The following JAK2 variants were observed in gnomAD, a reference collection of about 807,000 sequenced individuals.
The protein encoded by JAK2 is tyrosine-protein kinase JAK2.
In JAK2, 86 loss-of-function variants were observed where a neutral mutation model predicts 139.3. The observed-to-expected ratio is 0.62, with a 90% CI of 0.52 to 0.74. JAK2 has a LOEUF of 0.74. JAK2 is among the 30% of genes least tolerant of loss of function. JAK2 has a pLI of 0.00. For missense variants in JAK2, 1,421 were observed against 1,360.3 expected (o/e 1.04, Z -0.70); for synonymous variants, 490 against 437.7 (o/e 1.12, Z -1.49).
rs1180632374 is a variant in JAK2 at position 5,074,588 on chromosome 9, T to C, written c.1864+803T>C. On this transcript the variant is annotated intron_variant, in intron 14 of 24. Coordinates refer to ENST00000381652, the MANE Select transcript of JAK2 (RefSeq NM_004972.4). ...CTTCATAGATGAATGCAGTGTGTGC[T>C]CTGACTGCTCCATCAATGAGCCATT... Among the ~76,000 whole-genome samples the C allele has an allele frequency of 2.6e-5, 4 of 152,366 alleles. No homozygotes were observed. The South Asian group carries it at 6.2e-4, about 24-fold the overall frequency.
intron 22 of JAK2, chr9:5,097,670 C>G (rs562690389): frequency 6.6e-6 from 1 of 152,306 alleles, no homozygotes; most frequent in Non-Finnish European, 1.5e-5. Flanking sequence ...TGATCTCCCG[C>G]AATGTTCTGA....
chr9:5,035,039 T>C lies in JAK2; in HGVS notation c.350+5133T>C, dbSNP rs182785026. 9.9e-5 allele frequency among the ~76,000 whole-genome samples: 15 copies of C among 152,206 alleles called. No individual in the cohort carries two copies. In the East Asian group the frequency reaches 2.5e-3, roughly 25 times the overall value. The stretch of plus-strand genomic sequence containing the variant: ...AGAATCAAATACATGCAATAAAAAA[T>C]GATAAAGGGGATATCAACCCGATCC... On this transcript the variant is annotated intron_variant, in intron 4 of 24. Coordinates refer to ENST00000381652, the MANE Select transcript of JAK2 (RefSeq NM_004972.4).
intron 4 of JAK2, chr9:5,041,260 C>A (rs532878703): frequency 7.3e-6 from 10 of 1,366,790 alleles, no homozygotes; most frequent in South Asian, 1.2e-5. Context: ...TCCACATCAT[C>A]GACCTCGGGC....
chr9:5,041,335 G>A (rs775796363), intron 4 of JAK2: 3 of 687,374 alleles, frequency 4.4e-6, no homozygotes, highest in Non-Finnish European at 7.7e-6. Context: ...ACAAGAGCTT[G>A]ACAGGTACGG....
intron 2 of JAK2, among the ~76,000 whole-genome samples, chr9:5,002,911 C>T (rs10120763): frequency 1.3e-5 from 2 of 151,520 alleles, no homozygotes; most frequent in Non-Finnish European, 3.0e-5. Flanking sequence ...ATTTGTGTAC[C>T]GTATGAAGTA....
intron 2 of JAK2, among the ~76,000 whole-genome samples, chr9:4,994,627 A>C (rs1282702705): frequency 6.6e-6 from 1 of 152,246 alleles, no homozygotes; most frequent in East Asian, 1.9e-4. Context: ...GTGCAAAAGC[A>C]GTTATAGACA....
At chr9:5,013,702 G>A (rs931830365) in intron 2 of JAK2, among the ~76,000 whole-genome samples, 2 of 152,070 alleles carry the variant, frequency 1.3e-5, no homozygotes, top group African/African-American at 4.8e-5. Flanking sequence ...TAATTGTTGT[G>A]TGAAACTTCT....
chr9:4,992,572 C>G (rs570449510), intron 2 of JAK2, among the ~76,000 whole-genome samples: 5 of 152,308 alleles, frequency 3.3e-5, no homozygotes, highest in African/African-American at 1.2e-4. Flanking sequence ...ATACACTGAG[C>G]TTCTCCTCAA....
intron 18 of JAK2, among the ~76,000 whole-genome samples, 154 bp downstream of exon 18, chr9:5,080,837 C>A (rs1819638751): frequency 6.7e-6 from 1 of 149,932 alleles, no homozygotes; most frequent in East Asian, 1.9e-4. Context: ...ATGCTTTATA[C>A]ATATTCTAAT....
At chr9:5,111,658 G>A (rs1822556033) in intron 22 of JAK2, 3 of 402,044 alleles carry the variant, frequency 7.5e-6, no homozygotes, top group East Asian at 6.8e-5. Context: ...CGTCCCTCCC[G>A]CCCAGCAGCG....
At chr9:5,111,900 C>T (rs992337310) in intron 22 of JAK2, 31 of 354,446 alleles carry the variant, frequency 8.7e-5, no homozygotes, top group African/African-American at 6.2e-4. Context: ...GGGACGCCCT[C>T]GGGAAGGCCT....
At chr9:5,082,602 G>T (rs886347283) in intron 19 of JAK2, among the ~76,000 whole-genome samples, 2 of 152,194 alleles carry the variant, frequency 1.3e-5, no homozygotes, top group Non-Finnish European at 2.9e-5. Flanking sequence ...TTGGGCTGGG[G>T]GACGGTCAGG....
chr9:5,074,774 C>G (rs1049807868), intron 14 of JAK2, among the ~76,000 whole-genome samples: 1 of 152,180 alleles, frequency 6.6e-6, no homozygotes, highest in Non-Finnish European at 1.5e-5. Context: ...AAGCAGCAAA[C>G]GCTGATGTGG....
chr9:4,987,953 G>T (rs918664565), intron 2 of JAK2, among the ~76,000 whole-genome samples: 7 of 152,118 alleles, frequency 4.6e-5, no homozygotes, highest in Admixed American at 6.5e-5. Flanking sequence ...TGTAACTCGT[G>T]TTTCCTCCTT....
intron 22 of JAK2, among the ~76,000 whole-genome samples, chr9:5,092,630 C>T (rs1286507004): frequency 6.6e-6 from 1 of 152,114 alleles, no homozygotes; most frequent in East Asian, 1.9e-4. Flanking sequence ...CAAAGACAAG[C>T]CCTTATACCT....
In JAK2 at chr9:5,097,124, G is replaced by C. The variant is rs145798809; in HGVS notation, c.3059+6213G>C. On this transcript the variant is annotated intron_variant, in intron 22 of 24. Transcript: ENST00000381652. ...ACCATCTTCTCACTTCACTTGGCAG[G>C]TATTCTATTTTAGGAGCCATTAACT... 1.9e-3 allele frequency: 286 copies of C among 152,118 alleles called. 1 individual carries two copies. Among genetic ancestry groups the C allele is most frequent in the African/African-American group, 6.6e-3 (273 of 41,478 alleles). The allele number at this position is 152,118 out of a possible 1,614,324, so 9.4% of individuals were successfully genotyped here.
chr9:5,067,724 T>G (rs1434766728), intron 10 of JAK2, among the ~76,000 whole-genome samples: 1 of 152,144 alleles, frequency 6.6e-6, no homozygotes, highest in Non-Finnish European at 1.5e-5. Context: ...TTATAGAGTT[T>G]ATGCTACAGC....
rs368718240 is a variant in JAK2, at chr9:5,041,540, G to C, written c.351-2863G>C. 516 of 536,110 alleles carry C rather than the reference G, an allele frequency of 9.6e-4. 2 individuals are homozygous for C. Among genetic ancestry groups the C allele is most frequent in the African/African-American group, 8.9e-3 (469 of 52,508 alleles). 33.2% of individuals were successfully genotyped at this position (536,110 alleles called of 1,614,324 possible). A position where few individuals can be genotyped will look rare whatever the true frequency, so the allele number is the denominator to read the frequency against. ...CCACGCCCATCGAAGTGCTCTGCGA[G>C]AACTTCCCAGAGGAGATGGCTACGT... is the stretch of plus-strand genomic sequence containing the variant. On this transcript the variant is annotated intron_variant, in intron 4 of 24. Transcript: ENST00000381652.
At chr9:5,009,775 A>AT (rs752248281) in intron 2 of JAK2, among the ~76,000 whole-genome samples, 254 of 146,262 alleles carry the variant, frequency 1.7e-3, no homozygotes, top group Middle Eastern at 3.5e-3. Context: ...TTCAGTTAAA[A>AT]TTTTTTTTTT....
Sources: allele counts gnomAD v4.1 joint callset (sites outside exome capture counted in the v4.1 genomes callset), GRCh38; gene constraint gnomAD v4.1.1; transcripts MANE v1.5; gene names NCBI Gene and HGNC (gene_info 2026-07-23, HGNC 2026-07-21).